The following PPP1R7 variants were observed in gnomAD, a reference collection of about 807,000 sequenced individuals.
PPP1R7 encodes protein phosphatase 1 regulatory subunit 7.
Under a neutral mutation model 45.2 loss-of-function variants are expected in PPP1R7, and 18 were observed. The ratio of observed to expected loss-of-function variants is 0.40; its 90% CI spans 0.28 to 0.59. The LOEUF (loss-of-function observed/expected upper bound fraction) is 0.59, where lower values mean the gene tolerates loss of function less well. PPP1R7 is among the 20% of genes least tolerant of loss of function. The pLI is 0.46. For missense variants in PPP1R7, 314 were observed against 455.8 expected (o/e 0.69, Z 2.83); for synonymous variants, 181 against 183.4 (o/e 0.99, Z 0.11).
chr2:241,162,621 A>G lies in PPP1R7; in HGVS notation c.598-664A>G. On this transcript the variant is annotated intron_variant, in intron 6 of 9. Transcript: ENST00000234038. Reference sequence around the variant, plus strand: ...TCCTAAGTGAGGGTCCCAGGATTTCAAAGACTTGAGGTCAGAGTGCCCCGT... The same window carrying G: ...TCCTAAGTGAGGGTCCCAGGATTTCGAAGACTTGAGGTCAGAGTGCCCCGT... Among the ~76,000 whole-genome samples the G allele has an allele frequency of 1.3e-5, 2 of 151,762 alleles. 1 individual carries two copies. The highest frequency in any genetic ancestry group is 3.9e-4 in the East Asian group (2 of 5,192).
chr2:241,155,106 G>A (rs1005831117), intron 2 of PPP1R7: 4 of 152,204 alleles, frequency 2.6e-5, no homozygotes, highest in African/African-American at 9.7e-5. Context: ...GCCTGACTTA[G>A]TCACCAACAG....
intron 9 of PPP1R7, among the ~76,000 whole-genome samples, chr2:241,178,428 C>T (rs1270507280): frequency 6.7e-6 from 1 of 149,948 alleles, no homozygotes; most frequent in African/African-American, 2.4e-5. Flanking sequence ...ATCTGTGTTG[C>T]AGATACTTTA....
chr2:241,168,530 T>G (rs2067760536), intron 8 of PPP1R7, among the ~76,000 whole-genome samples: 1 of 152,250 alleles, frequency 6.6e-6, no homozygotes, highest in Admixed American at 6.5e-5. Context: ...TCTGCAACAT[T>G]TTCCTGCAGT....
chr2:241,172,888 G>T (rs1020542127), intron 9 of PPP1R7, among the ~76,000 whole-genome samples: 3 of 151,556 alleles, frequency 2.0e-5, no homozygotes, highest in South Asian at 2.1e-4. Flanking sequence ...TAGCTTGAGA[G>T]ATTTTTTTTT....
chr2:241,182,691 G>T lies in PPP1R7; in HGVS notation c.951G>T (p.Leu317=). Residue 317 remains leucine (L), a synonymous_variant, in exon 10 of 10, where the codon CTG becomes CTT. Coordinates refer to ENST00000234038, the MANE Select transcript of PPP1R7 (RefSeq NM_002712.3). The part of the protein sequence containing the change: ...LLESWSDLDE[L]KGARSLETVY... ...AGAGCTGGAGCGACCTCGACGAGCT[G>T]AAGGGAGCCAGGAGCCTGGAGACAG... 1.9e-6 allele frequency: 3 copies of T among 1,614,208 alleles called. No individual in the cohort carries two copies. In the South Asian group the frequency reaches 3.3e-5, roughly 18 times the overall value.
chr2:241,163,405 C>A lies in PPP1R7; in HGVS notation c.714+4C>A, dbSNP rs746375627. On this transcript the variant is annotated splice_donor_region_variant and intron_variant, in intron 7 of 9. Transcript: ENST00000234038. ...CCTGACAGTCCTCAGTATGCAGGTACGGAGCTTCCTGAGCCGCCCTTCCCT... is the reference window on the plus strand; with the variant it reads ...CCTGACAGTCCTCAGTATGCAGGTAAGGAGCTTCCTGAGCCGCCCTTCCCT... The A allele has an allele frequency of 6.3e-7, 1 of 1,596,594 alleles. No homozygotes were observed.
At chr2:241,157,495 C>T (rs2067485639) in intron 2 of PPP1R7, among the ~76,000 whole-genome samples, 1 of 152,218 alleles carries the variant, frequency 6.6e-6, no homozygotes, top group Non-Finnish European at 1.5e-5. Flanking sequence ...TACTTCCTCC[C>T]CTCCTTCCCA....
In PPP1R7 at chr2:241,183,570, T is replaced by A. The variant is rs533044063; in HGVS notation, c.*747T>A. On this transcript the variant is annotated 3_prime_UTR_variant, in exon 10 of 10. Coordinates refer to ENST00000234038, the MANE Select transcript of PPP1R7 (RefSeq NM_002712.3). ...AAAGACGGCCTCCAAGGATCTGAAC[T>A]CTTGGCCACTGGTATAGTGGCCTCC... The A allele has an allele frequency of 1.7e-5, 7 of 402,820 alleles. No homozygotes were observed. The highest frequency in any genetic ancestry group is 6.5e-5 in the Admixed American group (2 of 30,948). 25.0% of individuals were successfully genotyped at this position (402,820 alleles called of 1,614,324 possible).
In PPP1R7 at chr2:241,150,560, TGCGGGCGGCGGCCCAAGGGCCCA is replaced by T. The variant is rs750837968; in HGVS notation, c.52+22_52+44del. ...GAGATGATGGAGGGTGAGCGGCCCC[TGCGGGCGGCGGCCCAAGGGCCCA>T]GCGGGCGGGGGGAGCTGCGGGCTGG... is the stretch of plus-strand genomic sequence containing the variant. On this transcript the variant is annotated intron_variant, in intron 1 of 9. Coordinates refer to ENST00000234038, the MANE Select transcript of PPP1R7 (RefSeq NM_002712.3). 3.8e-6 allele frequency: 6 copies of T among 1,586,446 alleles called. No individual in the cohort carries two copies. Among genetic ancestry groups the T allele is most frequent in the Admixed American group, 3.5e-5 (2 of 57,608 alleles).
intron 8 of PPP1R7, 125 bp from the exon 9 acceptor site, chr2:241,169,656 C>A: frequency 1.3e-6 from 1 of 741,824 alleles, no homozygotes; most frequent in Non-Finnish European, 2.3e-6. Flanking sequence ...ATGCCCTTAC[C>A]CTGTGAGGGC....
upstream of PPP1R7, chr2:241,150,011 GC>G (rs1269202292): frequency 1.0e-5 from 14 of 1,401,948 alleles, no homozygotes; most frequent in Non-Finnish European, 1.2e-5. Flanking sequence ...TTGCCGTTCG[GC>G]CCATTGTACA....
In PPP1R7 at chr2:241,183,418, T is replaced by C; in HGVS notation, c.*595T>C. On this transcript the variant is annotated 3_prime_UTR_variant, in exon 10 of 10. Transcript: ENST00000234038. ...GAGCGCCGGGCAGGGCTGACTGTTT[T>C]CACGTGTGCCCGTCAGTTCTCGCCA... is the stretch of plus-strand genomic sequence containing the variant. 2.1e-6 allele frequency: 1 copy of C among 471,214 alleles called. No homozygotes were observed. The highest frequency in any genetic ancestry group is 2.0e-5 in the African/African-American group (1 of 50,210). The allele number at this position is 471,214 out of a possible 1,614,324, so 29.2% of individuals were successfully genotyped here. A position where few individuals can be genotyped will look rare whatever the true frequency, so the allele number is the denominator to read the frequency against.
chr2:241,153,469 G>A lies in PPP1R7; in HGVS notation c.53-7G>A, dbSNP rs1165817479. 1.9e-6 allele frequency: 3 copies of A among 1,614,186 alleles called. No homozygotes were observed. Among genetic ancestry groups the A allele is most frequent in the Non-Finnish European group, 1.7e-6 (2 of 1,180,012 alleles). ...ATGTGAATTCTCATTGACATGTGTG[G>A]GTTCAGTTGACAGGCGGGTCGAGTC... is the stretch of plus-strand genomic sequence containing the variant. On this transcript the variant is annotated splice_polypyrimidine_tract_variant and splice_region_variant and intron_variant, in intron 1 of 9. Coordinates refer to ENST00000234038, the MANE Select transcript of PPP1R7 (RefSeq NM_002712.3).
At chr2:241,157,716 A>G in intron 2 of PPP1R7, 91 bp from the exon 3 acceptor site, 1 of 1,313,274 alleles carries the variant, frequency 7.6e-7, no homozygotes, top group South Asian at 1.3e-5. Context: ...TCTGGGCACC[A>G]AACAGCCCCA....
intron 9 of PPP1R7, among the ~76,000 whole-genome samples, chr2:241,181,403 A>C (rs1392900351): frequency 6.6e-6 from 1 of 151,960 alleles, no homozygotes; most frequent in Non-Finnish European, 1.5e-5. Context: ...GGCAGCACGC[A>C]CCTGCAGGCT....
chr2:241,181,486 C>T (rs1209642512), intron 9 of PPP1R7, among the ~76,000 whole-genome samples: 1 of 152,052 alleles, frequency 6.6e-6, no homozygotes, highest in Non-Finnish European at 1.5e-5. Context: ...AAGCAGAACA[C>T]AGTACTTCTG....
intron 1 of PPP1R7, among the ~76,000 whole-genome samples, chr2:241,152,895 G>A (rs1347545278): frequency 1.3e-5 from 2 of 152,196 alleles, no homozygotes; most frequent in Non-Finnish European, 2.9e-5. Context: ...CCAGTGTCCA[G>A]TGTGAAAGCT....
At chr2:241,176,806 G>A (rs1056142550) in intron 9 of PPP1R7, among the ~76,000 whole-genome samples, 7 of 152,218 alleles carry the variant, frequency 4.6e-5, no homozygotes, top group African/African-American at 1.7e-4. Flanking sequence ...GAGATACAGT[G>A]TTATCTGTCA....
At chr2:241,157,677 A>C (rs2125485146) in intron 2 of PPP1R7, 130 bp from the exon 3 acceptor site, 1 of 801,002 alleles carries the variant, frequency 1.2e-6, no homozygotes, top group South Asian at 1.6e-5. Flanking sequence ...AAACCTTCCC[A>C]TTGGTTCCTC....
Sources: allele counts gnomAD v4.1 joint callset (sites outside exome capture counted in the v4.1 genomes callset), GRCh38; gene constraint gnomAD v4.1.1; transcripts MANE v1.5; gene names NCBI Gene and HGNC (gene_info 2026-07-23, HGNC 2026-07-21).